Variants in ADGRG7 observed in about 807,000 individuals in gnomAD.
ADGRG7 encodes G-protein coupled receptor 128.
ADGRG7 carries 82 observed loss-of-function variants against 88.6 expected under a neutral mutation model. The ratio of observed to expected loss-of-function variants is 0.93; its 90% CI spans 0.77 to 1.11. The LOEUF (loss-of-function observed/expected upper bound fraction) is 1.11, where lower values mean the gene tolerates loss of function less well. Among genes scored for constraint, ADGRG7 ranks in the 50% most tolerant of loss-of-function variants. The pLI, the probability that ADGRG7 is intolerant of heterozygous loss-of-function variation, is 0.00. For missense variants in ADGRG7, 945 were observed against 953.4 expected (o/e 0.99, Z 0.12); for synonymous variants, 381 against 345.2 (o/e 1.10, Z -1.15).
chr3:100,688,327 G>C lies in ADGRG7; in HGVS notation c.2137-6417G>C, dbSNP rs545425246. Among the ~76,000 whole-genome samples the C allele has an allele frequency of 1.1e-3, 172 of 152,212 alleles. 1 individual carries two copies. Among genetic ancestry groups the C allele is most frequent in the African/African-American group, 4.0e-3 (167 of 41,538 alleles). ...TTTTGTTGATCTTTTCAAAAAACCA[G>C]CTCCTGGATTCATTGATTTTTTGAA... On this transcript the variant is annotated intron_variant, in intron 15 of 15. Coordinates refer to ENST00000273352, the MANE Select transcript of ADGRG7 (RefSeq NM_032787.3).
intron 14 of ADGRG7, among the ~76,000 whole-genome samples, chr3:100,664,099 T>G (rs1449475945): frequency 5.3e-5 from 8 of 152,102 alleles, no homozygotes. Context: ...TTTTAAAATA[T>G]GAAGTTGATT....
chr3:100,666,054 CTTT>C (rs1205474471), intron 14 of ADGRG7, among the ~76,000 whole-genome samples: 4 of 141,698 alleles, frequency 2.8e-5, no homozygotes, highest in Non-Finnish European at 3.1e-5. Flanking sequence ...GGATGACTCA[CTTT>C]TTTTTTTTTT....
At chr3:100,683,497 G>A (rs2094976859) in intron 15 of ADGRG7, among the ~76,000 whole-genome samples, 2 of 152,240 alleles carry the variant, frequency 1.3e-5, no homozygotes, top group Admixed American at 1.3e-4. Context: ...GCCTCTCAGG[G>A]AGCTGGCGCT....
chr3:100,610,871 G>T (rs1441704542), intron 1 of ADGRG7, among the ~76,000 whole-genome samples: 1 of 152,202 alleles, frequency 6.6e-6, no homozygotes, highest in African/African-American at 2.4e-5. Flanking sequence ...AGGACAGAAG[G>T]TTGGGGAGCT....
chr3:100,614,679 G>T (rs1707200064), intron 1 of ADGRG7, among the ~76,000 whole-genome samples: 1 of 152,154 alleles, frequency 6.6e-6, no homozygotes, highest in Non-Finnish European at 1.5e-5. Flanking sequence ...ATCTGCAGAT[G>T]AAATTTCTTA....
intron 14 of ADGRG7, among the ~76,000 whole-genome samples, chr3:100,664,669 A>G (rs986791358): frequency 4.6e-5 from 7 of 152,196 alleles, no homozygotes; most frequent in Admixed American, 1.3e-4. Context: ...ATTTTCATAA[A>G]TAAACTGCTA....
At chr3:100,659,656 T>G (rs1376493017) in intron 13 of ADGRG7, 32 bp from the exon 14 acceptor site, 2 of 1,607,438 alleles carry the variant, frequency 1.2e-6, no homozygotes, top group Non-Finnish European at 1.7e-6. Context: ...CCTTTCTTAG[T>G]CTGCTGAAGC....
At chr3:100,675,244 G>T (rs1164440485) in intron 15 of ADGRG7, among the ~76,000 whole-genome samples, 1 of 152,108 alleles carries the variant, frequency 6.6e-6, no homozygotes, top group Non-Finnish European at 1.5e-5. Flanking sequence ...GTCATATACA[G>T]CTTTTATTGT....
intron 13 of ADGRG7, among the ~76,000 whole-genome samples, 187 bp downstream of exon 13, chr3:100,656,182 T>C (rs895989490): frequency 3.9e-5 from 6 of 152,200 alleles, no homozygotes; most frequent in African/African-American, 1.4e-4. Flanking sequence ...TTCCCATAAG[T>C]CCTTTTGTAA....
chr3:100,642,050 G>A (rs149973897), intron 6 of ADGRG7, among the ~76,000 whole-genome samples: 51 of 152,312 alleles, frequency 3.3e-4, no homozygotes, highest in African/African-American at 1.2e-3. Context: ...AAGAAAAAAT[G>A]ACCTTAGAAG....
At chr3:100,664,895 A>C (rs2449250) in intron 14 of ADGRG7, among the ~76,000 whole-genome samples, 137,020 of 152,240 alleles carry the variant, frequency 0.9, 62,917 homozygotes, top group Non-Finnish European at 1. Context: ...AGATGATTTC[A>C]TCTTTGATCA....
Position 100,639,938 on chromosome 3 carries a change from G to T in ADGRG7, c.698+2536G>T, listed in dbSNP as rs118058517. 9.7e-4 allele frequency among the ~76,000 whole-genome samples: 148 copies of T among 152,294 alleles called. 2 individuals are homozygous for T. In the East Asian group the frequency reaches 0.026, roughly 27 times the overall value. On this transcript the variant is annotated intron_variant, in intron 6 of 15. Coordinates refer to ENST00000273352, the MANE Select transcript of ADGRG7 (RefSeq NM_032787.3). Reference sequence around the variant, plus strand: ...GTGAACCTTAAAATGGTGTAAGCATGCTCAATTTCTCCTTTTATCACTCTG... The same window carrying T: ...GTGAACCTTAAAATGGTGTAAGCATTCTCAATTTCTCCTTTTATCACTCTG...
chr3:100,631,124 A>T (rs562908861), intron 3 of ADGRG7, among the ~76,000 whole-genome samples: 14 of 72,426 alleles, frequency 1.9e-4, no homozygotes, highest in African/African-American at 5.5e-4. Context: ...TTATATAATT[A>T]AAAAAAAAGT....
rs575640014 is a variant in ADGRG7, at chr3:100,647,864, C to A, written c.1266+1140C>A. Among the ~76,000 whole-genome samples, 6 of 152,250 alleles carry A rather than the reference C, an allele frequency of 3.9e-5. No homozygotes were observed. In the South Asian group the frequency reaches 8.3e-4, roughly 21 times the overall value. On this transcript the variant is annotated intron_variant, in intron 10 of 15. Transcript: ENST00000273352. The stretch of plus-strand genomic sequence containing the variant: ...TCATTCCCCAGTAGCTATAATATAG[C>A]CATATTTGGGAAGCCAGTGGAGACT...
intron 4 of ADGRG7, among the ~76,000 whole-genome samples, 186 bp downstream of exon 4, chr3:100,633,563 C>T (rs1326543002): frequency 6.6e-6 from 1 of 152,152 alleles, no homozygotes; most frequent in Non-Finnish European, 1.5e-5. Flanking sequence ...TTGCTCATGT[C>T]ACCCAGGCTG....
rs767569129 is a variant in ADGRG7 at position 100,655,062 on chromosome 3, TTC to T, written c.1609_1610del (p.Leu537ValfsTer59). The T allele has an allele frequency of 6.2e-7, 1 of 1,614,194 alleles. No homozygotes were observed. The highest frequency in any genetic ancestry group is 2.2e-5 in the East Asian group (1 of 44,884). ...GCGATTGCCGCCTTACTGCACTATTTTCTGTTAGTGACATTTACCTGGAACGC... is the reference window on the plus strand; with the variant it reads ...GCGATTGCCGCCTTACTGCACTATTTTGTTAGTGACATTTACCTGGAACGC... On this transcript the variant is annotated frameshift_variant, in exon 12 of 16. Transcript: ENST00000273352. LOFTEE classifies it high-confidence loss of function.
intron 15 of ADGRG7, among the ~76,000 whole-genome samples, chr3:100,678,874 GCCA>G: frequency 6.6e-6 from 1 of 152,282 alleles, no homozygotes; most frequent in Non-Finnish European, 1.5e-5. Flanking sequence ...TACCCTTGTG[GCCA>G]CCACCACTGG....
At chr3:100,628,861 C>T (rs746349400) in intron 1 of ADGRG7, among the ~76,000 whole-genome samples, 22 of 152,092 alleles carry the variant, frequency 1.4e-4, no homozygotes, top group Non-Finnish European at 3.1e-4. Flanking sequence ...TCCCCCTTAG[C>T]CTCAGTCATT....
intron 15 of ADGRG7, 65 bp downstream of exon 15, chr3:100,669,170 T>C: frequency 7.9e-7 from 1 of 1,260,920 alleles, no homozygotes. Context: ...CTTGATATCT[T>C]AGTTACCTTT....
Sources: allele counts gnomAD v4.1 joint callset (sites outside exome capture counted in the v4.1 genomes callset), GRCh38; gene constraint gnomAD v4.1.1; transcripts MANE v1.5; gene names NCBI Gene and HGNC (gene_info 2026-07-23, HGNC 2026-07-21).